The following DCC variants were observed in gnomAD, a reference collection of about 807,000 sequenced individuals.
DCC encodes netrin receptor DCC.
DCC carries 58 observed loss-of-function variants against 172.5 expected under a neutral mutation model. The observed-to-expected ratio is 0.34, with a 90% CI of 0.27 to 0.42. The LOEUF is 0.42. Ranked by LOEUF, DCC falls within the 10% of genes least tolerant of loss-of-function variation. The pLI, the probability that DCC is intolerant of heterozygous loss-of-function variation, is 1.00. For synonymous variants in DCC, 709 were observed against 644.5 expected (o/e 1.10, Z -1.52); for missense variants, 1,740 against 1,791.0 (o/e 0.97, Z 0.51).
intron 2 of DCC, among the ~76,000 whole-genome samples, chr18:52,864,169 C>T (rs2039185788): frequency 1.3e-5 from 2 of 152,186 alleles, no homozygotes; most frequent in South Asian, 4.1e-4. Flanking sequence ...TGGATTAAAA[C>T]TGTATCTCTG....
At chr18:53,507,687 G>A (rs1171876199) in intron 27 of DCC, among the ~76,000 whole-genome samples, 3 of 152,076 alleles carry the variant, frequency 2.0e-5, no homozygotes, top group South Asian at 2.1e-4. Context: ...TCATGAAACC[G>A]TATGCCTCTC....
chr18:52,611,721 G>A (rs963085658), intron 1 of DCC, among the ~76,000 whole-genome samples: 7 of 152,118 alleles, frequency 4.6e-5, no homozygotes, highest in African/African-American at 1.7e-4. Flanking sequence ...TAAGTAAACT[G>A]TTTCAGCCTC....
chr18:53,467,098 C>T (rs1323729751), intron 24 of DCC, among the ~76,000 whole-genome samples: 3 of 152,036 alleles, frequency 2.0e-5, no homozygotes, highest in Admixed American at 2.0e-4. Flanking sequence ...TTCCTAATCC[C>T]TTTCGCAAAA....
intron 24 of DCC, among the ~76,000 whole-genome samples, chr18:53,464,194 G>C (rs73957241): frequency 0.033 from 5,097 of 152,232 alleles, 303 homozygotes; most frequent in African/African-American, 0.12. Context: ...ATAGAATTTA[G>C]TTTCTTGAAA....
chr18:52,588,726 T>A (rs1322556538), intron 1 of DCC, among the ~76,000 whole-genome samples: 1 of 138,724 alleles, frequency 7.2e-6, no homozygotes. Flanking sequence ...GGAATATGCC[T>A]GTATAAAGAC....
intron 5 of DCC, among the ~76,000 whole-genome samples, chr18:52,972,126 C>T (rs2041039738): frequency 6.6e-6 from 1 of 152,174 alleles, no homozygotes; most frequent in Admixed American, 6.5e-5. Context: ...CAAATCACCT[C>T]CACTGGTCAA....
intron 12 of DCC, among the ~76,000 whole-genome samples, chr18:53,267,375 C>T (rs141578159): frequency 6.6e-6 from 1 of 152,154 alleles, no homozygotes; most frequent in African/African-American, 2.4e-5. Context: ...TTAGCAGAGA[C>T]GAGGTTTCAT....
At chr18:53,367,012 CA>C (rs2058012667) in intron 15 of DCC, among the ~76,000 whole-genome samples, 1 of 152,136 alleles carries the variant, frequency 6.6e-6, no homozygotes, top group African/African-American at 2.4e-5. Context: ...TCTTTATTGT[CA>C]CAGCTTTGTC....
intron 2 of DCC, among the ~76,000 whole-genome samples, chr18:52,893,372 G>A (rs2039680610): frequency 6.6e-6 from 1 of 152,160 alleles, no homozygotes; most frequent in Admixed American, 6.5e-5. Flanking sequence ...TGCCTGGTAT[G>A]TATTCAATGA....
intron 15 of DCC, among the ~76,000 whole-genome samples, chr18:53,379,577 C>T (rs147768304): frequency 1.3e-5 from 2 of 152,258 alleles, no homozygotes; most frequent in Non-Finnish European, 2.9e-5. Flanking sequence ...TAATGGGTCT[C>T]TCACCTACCA....
intron 1 of DCC, among the ~76,000 whole-genome samples, chr18:52,745,163 A>G (rs1432178269): frequency 6.6e-6 from 1 of 152,174 alleles, no homozygotes; most frequent in Non-Finnish European, 1.5e-5. Flanking sequence ...GAAATATATA[A>G]TAAATATTAA....
At chr18:53,115,791 A>G (rs2043400128) in intron 7 of DCC, among the ~76,000 whole-genome samples, 2 of 151,638 alleles carry the variant, frequency 1.3e-5, no homozygotes, top group African/African-American at 4.8e-5. Flanking sequence ...ATTTTTTTGT[A>G]TTTGCTAAAA....
chr18:52,394,954 A>G (rs984848559), intron 1 of DCC, among the ~76,000 whole-genome samples: 17 of 152,136 alleles, frequency 1.1e-4, no homozygotes, highest in African/African-American at 4.1e-4. Flanking sequence ...GAAAGAGACT[A>G]TTTCCCGTTC....
chr18:52,943,547 A>C (rs1598955206), intron 5 of DCC, among the ~76,000 whole-genome samples: 1 of 152,176 alleles, frequency 6.6e-6, no homozygotes. Context: ...TGTTTTTTTA[A>C]TTGATGCATG....
chr18:53,525,381 A>G (rs1276907304), intron 27 of DCC, among the ~76,000 whole-genome samples: 2 of 152,244 alleles, frequency 1.3e-5, no homozygotes, highest in South Asian at 2.1e-4. Flanking sequence ...TACCACGAAC[A>G]GAATATCACC....
chr18:53,147,742 T>A (rs374303968), intron 7 of DCC, among the ~76,000 whole-genome samples: 3 of 152,212 alleles, frequency 2.0e-5, no homozygotes, highest in African/African-American at 4.8e-5. Context: ...TCAGATAATT[T>A]TTTTTAGATT....
chr18:53,529,038 TCACACA>T (rs140593675), intron 28 of DCC, among the ~76,000 whole-genome samples: 742 of 65,118 alleles, frequency 0.011, 15 homozygotes, highest in African/African-American at 0.041. Flanking sequence ...TCTCTCTCTC[TCACACA>T]CACACACACA....
At chr18:52,541,056 C>A (rs1458858513) in intron 1 of DCC, among the ~76,000 whole-genome samples, 1 of 152,168 alleles carries the variant, frequency 6.6e-6, no homozygotes, top group African/African-American at 2.4e-5. Context: ...CCGTTTGATT[C>A]TCATAGCTAT....
chr18:53,321,773 A>G (rs2057413851), intron 13 of DCC, among the ~76,000 whole-genome samples: 1 of 152,206 alleles, frequency 6.6e-6, no homozygotes, highest in Non-Finnish European at 1.5e-5. Flanking sequence ...TTTCTTCATC[A>G]TTTATATTTT....
Sources: gnomAD v4.1 joint callset for allele counts (sites outside exome capture counted in the v4.1 genomes callset) on GRCh38, gnomAD v4.1.1 for gene constraint, MANE v1.5 for transcripts, NCBI Gene and HGNC (gene_info 2026-07-23, HGNC 2026-07-21) for gene names.